WBP11: variants seen among roughly 807,000 people sequenced by gnomAD.
The protein encoded by WBP11 is WW domain binding protein 11.
Under a neutral mutation model 66.7 loss-of-function variants are expected in WBP11, and 12 were observed. The observed-to-expected ratio is 0.18, with a 90% CI of 0.12 to 0.29. WBP11 has a LOEUF of 0.29. WBP11 is among the 10% of genes least tolerant of loss of function. The pLI is 1.00. For missense variants in WBP11, 555 were observed against 818.3 expected, an observed-to-expected ratio of 0.68 and a Z score of 3.93; for synonymous variants, 255 against 273.8, an observed-to-expected ratio of 0.93 and a Z score of 0.68.
At chr12:14,797,919 T>C (rs535346099) in intron 4 of WBP11, among the ~76,000 whole-genome samples, 5 of 152,202 alleles carry the variant, frequency 3.3e-5, no homozygotes, top group African/African-American at 4.8e-5. Context: ...ACAGTACTGA[T>C]GATGAGACTG....
intron 10 of WBP11, 94 bp downstream of exon 10, chr12:14,790,362 C>G (rs1949806001): frequency 1.4e-6 from 2 of 1,459,676 alleles, no homozygotes; most frequent in Non-Finnish European, 1.9e-6. Flanking sequence ...TAGGAGGAAA[C>G]AAGAAAACAT....
intron 4 of WBP11, 35 bp downstream of exon 4, chr12:14,799,600 C>T (rs1419237514): frequency 1.5e-5 from 24 of 1,600,384 alleles, no homozygotes; most frequent in Non-Finnish European, 2.0e-5. Flanking sequence ...CTGTACGTGT[C>T]AGACTGTTAT....
chr12:14,794,771 C>T lies in WBP11; in HGVS notation c.522-35G>A, dbSNP rs1949871163. On this transcript the variant is annotated intron_variant, in intron 6 of 11. Coordinates refer to ENST00000261167, the MANE Select transcript of WBP11 (RefSeq NM_016312.3). ...AAAAAAACAAAAACAAAAAAACCCC[C>T]ACAGTAATCACTTAACAGTAATGAG... is the stretch of plus-strand genomic sequence containing the variant. The T allele has an allele frequency of 2.0e-6, 3 of 1,531,648 alleles. No homozygotes were observed. The South Asian group carries it at 3.9e-5, about 20-fold the overall frequency. The allele number at this position is 1,531,648 out of a possible 1,614,324, so 94.9% of individuals were successfully genotyped here. A position where few individuals can be genotyped will look rare whatever the true frequency, so the allele number is the denominator to read the frequency against.
intron 1 of WBP11, among the ~76,000 whole-genome samples, chr12:14,802,409 C>T (rs1949976220): frequency 6.6e-6 from 1 of 152,176 alleles, no homozygotes; most frequent in Non-Finnish European, 1.5e-5. Flanking sequence ...TGTCCAACTG[C>T]CCCGAAAGCC....
chr12:14,790,517 T>G lies in WBP11; in HGVS notation c.1248A>C (p.Pro416=), dbSNP rs751076270. 1.5e-5 allele frequency: 24 copies of G among 1,613,932 alleles called. No homozygotes were observed. The highest frequency in any genetic ancestry group is 1.9e-5 in the Non-Finnish European group (22 of 1,179,844). Residue 416 remains proline (P), a synonymous_variant, in exon 10 of 12, where the codon CCA becomes CCC. Coordinates refer to ENST00000261167, the MANE Select transcript of WBP11 (RefSeq NM_016312.3). ...CAGGAGGCCGTAATGGTGGAGCAGG[T>G]GGTGGTCCAAGAGGTGGTGGTCCTG... ...PMPGPPPLGP[P]PAPPLRPPGP... is the part of the protein sequence containing the mutation.
chr12:14,789,171 TG>T (rs1949792358), intron 10 of WBP11, 38 bp from the exon 11 acceptor site: 6 of 1,491,534 alleles, frequency 4.0e-6, no homozygotes, highest in African/African-American at 1.5e-5. Context: ...GTCACACAAA[TG>T]TACACTAAGT....
At chr12:14,803,152 G>C (rs968034188) in intron 1 of WBP11, among the ~76,000 whole-genome samples, 200 bp downstream of exon 1, 1 of 152,130 alleles carries the variant, frequency 6.6e-6, no homozygotes, top group African/African-American at 2.4e-5. Context: ...GGCCCCAACC[G>C]ACCCGGGCGA....
rs773722514 is a variant in WBP11 at position 14,790,586 on chromosome 12, C to T, written c.1179G>A (p.Pro393=). The T allele has an allele frequency of 9.3e-6, 15 of 1,613,862 alleles. No homozygotes were observed. The highest frequency in any genetic ancestry group is 8.9e-5 in the East Asian group (4 of 44,898). Residue 393 remains proline, a synonymous_variant, in exon 10 of 12, where the codon CCG becomes CCA. Coordinates refer to ENST00000261167, the MANE Select transcript of WBP11 (RefSeq NM_016312.3). The stretch of plus-strand genomic sequence containing the variant: ...TCTGAGAAGGAGGAACAGACTGCGG[C>T]GGAGCCTGCTGCTGTGAAGAAGCAG... The part of the protein sequence containing the change: ...TSTASSQQQA[P]PQSVPPSQIQ...
Position 14,794,578 on chromosome 12 carries a change from G to C in WBP11, c.680C>G (p.Pro227Arg), listed in dbSNP as rs745563781. The change falls in exon 7 of 12, where the codon CCT becomes CGT. Residue 227 changes from proline (P) to arginine (R), a missense_variant. By Grantham distance (103) the Pro-to-Arg change is moderately radical (BLOSUM62 -2). Coordinates refer to ENST00000261167, the MANE Select transcript of WBP11 (RefSeq NM_016312.3). ...TAACATGTCTTCATCTCGCCTACGAGGGGGAAGATCTAGGGCAAAACCCAC... is the reference window on the plus strand; with the variant it reads ...TAACATGTCTTCATCTCGCCTACGACGGGGAAGATCTAGGGCAAAACCCAC... ...RKVGFALDLP[P>R]RRRDEDMLYS... 6.2e-7 allele frequency: 1 copy of C among 1,614,054 alleles called. No homozygotes were observed. The highest frequency in any genetic ancestry group is 1.7e-5 in the Admixed American group (1 of 60,014).
intron 11 of WBP11, among the ~76,000 whole-genome samples, chr12:14,788,598 G>C (rs1949783419): frequency 6.6e-6 from 1 of 152,120 alleles, no homozygotes; most frequent in Non-Finnish European, 1.5e-5. Context: ...AAGAAAATCT[G>C]CATGTCTAAC....
chr12:14,787,644 T>G, intron 11 of WBP11, 146 bp from the exon 12 acceptor site: 1 of 722,376 alleles, frequency 1.4e-6, no homozygotes, highest in Non-Finnish European at 2.0e-6. Context: ...TGGTTGCTAT[T>G]TGAAACTCAG....
intron 11 of WBP11, among the ~76,000 whole-genome samples, chr12:14,788,663 T>C (rs1356794189): frequency 6.6e-6 from 1 of 152,218 alleles, no homozygotes. Context: ...AACTTTAAGT[T>C]GGTACTCATG....
At position 14,795,009 on chromosome 12, in the gene WBP11, G is replaced by C. The variant is rs1437899396; in HGVS notation, c.483C>G (p.Ala161=). 1 of 1,612,284 alleles carries C rather than the reference G, an allele frequency of 6.2e-7. No homozygotes were observed. Among genetic ancestry groups the C allele is most frequent in the African/African-American group, 1.3e-5 (1 of 74,842 alleles). ...TTTTCTTTAGGATAGAGGGTGGCTGGGCACCAGGAAGTGGAATGTCCTGGA... is the reference window on the plus strand; with the variant it reads ...TTTTCTTTAGGATAGAGGGTGGCTGCGCACCAGGAAGTGGAATGTCCTGGA... The part of the protein sequence containing the change: ...ILIQDIPLPG[A]QPPSILKKTS... The change falls in exon 6 of 12, where the codon GCC becomes GCG. Residue 161 remains alanine, a synonymous_variant. Coordinates refer to ENST00000261167, the MANE Select transcript of WBP11 (RefSeq NM_016312.3).
chr12:14,794,021 T>C (rs1949857277), intron 7 of WBP11, 99 bp from the exon 8 acceptor site: 4 of 615,086 alleles, frequency 6.5e-6, no homozygotes, highest in Non-Finnish European at 9.1e-6. Context: ...ACTCAGACTG[T>C]AACAACTTAA....
rs750672045 is a variant in WBP11 at position 14,787,257 on chromosome 12, A to T, written c.1734T>A (p.Phe578Leu). The change falls in exon 12 of 12, where the codon TTT becomes TTA. Residue 578 changes from phenylalanine (F) to leucine (L), a missense_variant. Phe to Leu is a conservative substitution (Grantham distance 22). Transcript: ENST00000261167. Reference protein sequence around the residue: ...ITNPKAEITRFVPTALRVRRE... With the variant: ...ITNPKAEITRLVPTALRVRRE... ...GACGTACTCTCAGTGCAGTGGGCAC[A>T]AATCGAGTAATCTCTGCCTTGGGAT... The T allele has an allele frequency of 6.2e-7, 1 of 1,614,206 alleles. No homozygotes were observed. The highest frequency in any genetic ancestry group is 8.5e-7 in the Non-Finnish European group (1 of 1,180,052).
chr12:14,795,311 C>T (rs955783928), intron 5 of WBP11, among the ~76,000 whole-genome samples: 46 of 152,116 alleles, frequency 3.0e-4, no homozygotes, highest in Non-Finnish European at 1.5e-4. Context: ...ACGTCAGAAC[C>T]CAGCTGTTTT....
chr12:14,790,209 T>C (rs1415326954), intron 10 of WBP11, among the ~76,000 whole-genome samples: 1 of 152,218 alleles, frequency 6.6e-6, no homozygotes, highest in Non-Finnish European at 1.5e-5. Flanking sequence ...CTGTCTGCTG[T>C]AATAAGAAAA....
At chr12:14,793,250 T>A (rs1949843000) in intron 8 of WBP11, among the ~76,000 whole-genome samples, 1 of 152,240 alleles carries the variant, frequency 6.6e-6, no homozygotes, top group Non-Finnish European at 1.5e-5. Context: ...TTGAATTTTT[T>A]AATAATCAAA....
chr12:14,795,763 A>G (rs112285179), intron 5 of WBP11, among the ~76,000 whole-genome samples: 159 of 152,150 alleles, frequency 1.0e-3, no homozygotes, highest in African/African-American at 3.6e-3. Flanking sequence ...AAGAAAAATA[A>G]TATATGTCAA....
Sources: gnomAD v4.1 joint callset for allele counts (sites outside exome capture counted in the v4.1 genomes callset) on GRCh38, gnomAD v4.1.1 for gene constraint, MANE v1.5 for transcripts, NCBI Gene and HGNC (gene_info 2026-07-23, HGNC 2026-07-21) for gene names.